SLC27A6: variants seen among roughly 807,000 people sequenced by gnomAD.
SLC27A6 encodes the protein solute carrier family 27 member 6.
Under a neutral mutation model 63.9 loss-of-function variants are expected in SLC27A6, and 74 were observed. The ratio of observed to expected loss-of-function variants is 1.16; its 90% confidence interval spans 0.96 to 1.40. SLC27A6 has a LOEUF of 1.40. SLC27A6 is among the 40% of genes most tolerant of loss of function. SLC27A6 has a pLI of 0.00. For missense variants in SLC27A6, 794 were observed against 732.9 expected (o/e 1.08, Z -0.96); for synonymous variants, 287 against 260.8 (o/e 1.10, Z -0.97).
intron 1 of SLC27A6, among the ~76,000 whole-genome samples, chr5:128,983,271 T>A (rs1750671115): frequency 6.7e-6 from 1 of 150,234 alleles, no homozygotes; most frequent in South Asian, 2.1e-4. Flanking sequence ...TGTACAGAAC[T>A]TGAGCATTCT....
intron 4 of SLC27A6, among the ~76,000 whole-genome samples, chr5:128,996,492 T>C (rs1561620549): frequency 6.6e-6 from 1 of 152,190 alleles, no homozygotes; most frequent in Non-Finnish European, 1.5e-5. Context: ...CATTAAGTAT[T>C]TTTATTCATT....
intron 5 of SLC27A6, among the ~76,000 whole-genome samples, chr5:129,017,525 A>T (rs1020369956): frequency 2.6e-5 from 4 of 152,272 alleles, no homozygotes; most frequent in African/African-American, 9.6e-5. Flanking sequence ...AATAAAAGGA[A>T]GGAAATAATA....
chr5:128,978,221 A>T (rs541784845), intron 1 of SLC27A6, among the ~76,000 whole-genome samples: 3 of 152,178 alleles, frequency 2.0e-5, no homozygotes, highest in Non-Finnish European at 4.4e-5. Context: ...TTTTATTTTC[A>T]TATTTTGTAT....
chr5:129,001,604 G>A (rs1009106001), intron 4 of SLC27A6, among the ~76,000 whole-genome samples: 1 of 152,162 alleles, frequency 6.6e-6, no homozygotes, highest in African/African-American at 2.4e-5. Context: ...TAAATGGTTA[G>A]TTATCTAAAG....
chr5:129,023,656 C>G lies in SLC27A6; in HGVS notation c.1201C>G (p.Gln401Glu). Residue 401 changes from glutamine (Q) to glutamate (E), a missense_variant, in exon 6 of 10, where the codon CAG becomes GAG. Coordinates refer to ENST00000262462, the MANE Select transcript of SLC27A6 (RefSeq NM_001017372.3). ...TTTTGACTTAATAAAGTATGACTTTCAGAAAGATGAACCCATGAGAAATGA... is the reference window on the plus strand; with the variant it reads ...TTTTGACTTAATAAAGTATGACTTTGAGAAAGATGAACCCATGAGAAATGA... ...STFDLIKYDFQKDEPMRNEQG... is the reference protein window; with the variant it reads ...STFDLIKYDFEKDEPMRNEQG... The G allele has an allele frequency of 6.2e-7, 1 of 1,607,308 alleles. No homozygotes were observed. Among genetic ancestry groups the G allele is most frequent in the South Asian group, 1.1e-5 (1 of 90,320 alleles).
At chr5:129,030,170 T>G (rs1023313552) in intron 9 of SLC27A6, among the ~76,000 whole-genome samples, 1 of 151,980 alleles carries the variant, frequency 6.6e-6, no homozygotes, top group South Asian at 2.1e-4. Context: ...CACCTGGACC[T>G]TCCCCATGTG....
chr5:129,027,466 A>T lies in SLC27A6; in HGVS notation c.1454+135A>T. The T allele has an allele frequency of 9.1e-6, 6 of 656,690 alleles. No individual in the cohort carries two copies. In the South Asian group the frequency reaches 1.2e-4, roughly 13 times the overall value. 40.7% of individuals were successfully genotyped at this position (656,690 alleles called of 1,614,324 possible). ...TATCTCCATGTCTCCTCATTAAAAC[A>T]TTTATTGGCCATCTGTTTCTAGACT... is the stretch of plus-strand genomic sequence containing the variant. On this transcript the variant is annotated intron_variant, in intron 7 of 9. Transcript: ENST00000262462.
chr5:128,981,759 A>G (rs1750595708), intron 1 of SLC27A6, among the ~76,000 whole-genome samples: 1 of 152,100 alleles, frequency 6.6e-6, no homozygotes, highest in South Asian at 2.1e-4. Context: ...GTGTCAAGAC[A>G]ATATTCAGAA....
At chr5:128,983,846 A>T (rs1014880268) in intron 1 of SLC27A6, among the ~76,000 whole-genome samples, 4 of 152,204 alleles carry the variant, frequency 2.6e-5, no homozygotes, top group African/African-American at 9.6e-5. Flanking sequence ...TAAAGCTGTC[A>T]GCAGAGCCAT....
chr5:128,966,614 C>T lies in SLC27A6; in HGVS notation c.477C>T (p.Gly159=). The change falls in exon 1 of 10, where the codon GGC becomes GGT. Residue 159 remains glycine (G), a synonymous_variant. Transcript: ENST00000262462. The stretch of plus-strand genomic sequence containing the variant: ...GTGGGCCCAGAGCCCTAGTGGTGGG[C>T]GCAGGTAGAGTATGGGGTGTGGTCT... ...RACGPRALVV[G]ADLLGTVEEI... is the part of the protein sequence containing the mutation. 1 of 1,515,136 alleles carries T rather than the reference C, an allele frequency of 6.6e-7. No individual in the cohort carries two copies. Among genetic ancestry groups the T allele is most frequent in the Non-Finnish European group, 8.8e-7 (1 of 1,140,396 alleles). The allele number at this position is 1,515,136 out of a possible 1,614,324, so 93.9% of individuals were successfully genotyped here. A position where few individuals can be genotyped will look rare whatever the true frequency, so the allele number is the denominator to read the frequency against.
chr5:128,967,618 TATA>T (rs1316139067), intron 1 of SLC27A6, among the ~76,000 whole-genome samples: 11 of 152,308 alleles, frequency 7.2e-5, no homozygotes, highest in Admixed American at 6.5e-4. Flanking sequence ...ACCTTTATGA[TATA>T]ATATTTGTAT....
chr5:129,020,390 T>C (rs1015737199), intron 5 of SLC27A6, among the ~76,000 whole-genome samples: 3 of 152,104 alleles, frequency 2.0e-5, no homozygotes, highest in Admixed American at 6.6e-5. Flanking sequence ...ATGGTGAACA[T>C]TGGATCAATT....
chr5:128,993,787 CAG>C (rs907459595), intron 4 of SLC27A6, among the ~76,000 whole-genome samples: 5 of 151,944 alleles, frequency 3.3e-5, no homozygotes, highest in African/African-American at 4.8e-5. Context: ...GAATTGAAAA[CAG>C]AATGCCTGAT....
chr5:128,999,290 T>C (rs1384720604), intron 4 of SLC27A6, among the ~76,000 whole-genome samples: 1 of 152,136 alleles, frequency 6.6e-6, no homozygotes, highest in African/African-American at 2.4e-5. Context: ...GAACTCAATT[T>C]ATCAGTACAT....
chr5:128,966,655 C>T, intron 1 of SLC27A6, 37 bp downstream of exon 1: 2 of 1,434,566 alleles, frequency 1.4e-6, no homozygotes, highest in Non-Finnish European at 1.8e-6. Context: ...TACAGAATGG[C>T]AGCCCACCTG....
In SLC27A6 at chr5:129,018,277, G is replaced by T. The variant is rs147904671; in HGVS notation, c.1164+2198G>T. Among the ~76,000 whole-genome samples, 663 of 152,140 alleles carry T rather than the reference G, an allele frequency of 4.4e-3. 3 individuals are homozygous for T. The highest frequency in any genetic ancestry group is 5.7e-3 in the Non-Finnish European group (387 of 67,942). Reference sequence around the variant, plus strand: ...GGTGAAATTTTCTGTATAATAAACTGCCATACCTCAAAGAACACCTGGAAG... The same window carrying T: ...GGTGAAATTTTCTGTATAATAAACTTCCATACCTCAAAGAACACCTGGAAG... On this transcript the variant is annotated intron_variant, in intron 5 of 9. Transcript: ENST00000262462.
intron 4 of SLC27A6, among the ~76,000 whole-genome samples, chr5:129,009,056 AG>A (rs796843136): frequency 2.8e-4 from 42 of 152,034 alleles, no homozygotes; most frequent in African/African-American, 9.6e-4. Flanking sequence ...TAGTGGAGGC[AG>A]GGTTTCTCCA....
intron 4 of SLC27A6, among the ~76,000 whole-genome samples, chr5:129,012,220 A>G (rs951184323): frequency 6.6e-6 from 1 of 151,078 alleles, no homozygotes; most frequent in African/African-American, 2.4e-5. Context: ...TCTTTTACCC[A>G]TGGGTTGTTT....
At chr5:128,982,556 A>G (rs1750632970) in intron 1 of SLC27A6, among the ~76,000 whole-genome samples, 2 of 152,236 alleles carry the variant, frequency 1.3e-5, no homozygotes, top group African/African-American at 2.4e-5. Context: ...TTCTTATTCT[A>G]GATGAGAGAT....
Sources: allele counts gnomAD v4.1 joint callset (sites outside exome capture counted in the v4.1 genomes callset), GRCh38; gene constraint gnomAD v4.1.1; transcripts MANE v1.5; gene names NCBI Gene and HGNC (gene_info 2026-07-23, HGNC 2026-07-21).